Variants in DNAJC16 observed in about 807,000 individuals in gnomAD.
The protein encoded by DNAJC16 is dnaJ homolog subfamily C member 16.
In DNAJC16, 76 loss-of-function variants were observed where a neutral mutation model predicts 92.7. The ratio of observed to expected loss-of-function variants is 0.82; its 90% confidence interval spans 0.68 to 0.99. DNAJC16 has a LOEUF of 0.99. Ranked by LOEUF, DNAJC16 falls within the 50% of genes least tolerant of loss-of-function variation. The pLI, the probability that DNAJC16 is intolerant of heterozygous loss-of-function variation, is 0.00. For missense variants in DNAJC16, 869 were observed against 942.4 expected (o/e 0.92, Z 1.02); for synonymous variants, 328 against 358.7 (o/e 0.91, Z 0.97).
At chr1:15,550,522 A>G (rs1210179363) in intron 7 of DNAJC16, among the ~76,000 whole-genome samples, 2 of 152,190 alleles carry the variant, frequency 1.3e-5, no homozygotes, top group Non-Finnish European at 2.9e-5. Context: ...AATTTATTGA[A>G]TCATTCTTCC....
Position 15,567,210 on chromosome 1 carries a change from G to A in DNAJC16, c.1890G>A (p.Ser630=), listed in dbSNP as rs369927925. 6.4e-5 allele frequency: 104 copies of A among 1,614,002 alleles called. No homozygotes were observed. Among genetic ancestry groups the A allele is most frequent in the South Asian group, 8.8e-5 (8 of 91,086 alleles). The change falls in exon 14 of 15, where the codon TCG becomes TCA. Residue 630 remains serine (S), a synonymous_variant. Transcript: ENST00000375847. ...PGHMNVVLIL[S]NSTKTSLLQK... ...ACATGAATGTGGTCCTCATCCTGTC[G>A]AATTCTACCAAGACCAGCCTACTAC...
chr1:15,555,089 A>T (rs1638536359), intron 7 of DNAJC16, among the ~76,000 whole-genome samples: 1 of 151,174 alleles, frequency 6.6e-6, no homozygotes, highest in Non-Finnish European at 1.5e-5. Context: ...TTAAAAAAGA[A>T]TGTAGGCCAG....
At chr1:15,547,146 CTTT>C (rs768397290) in intron 6 of DNAJC16, among the ~76,000 whole-genome samples, 9 of 136,532 alleles carry the variant, frequency 6.6e-5, no homozygotes, top group African/African-American at 8.0e-5. Flanking sequence ...ATCCCTGTTT[CTTT>C]TTTTTTTTTT....
rs369025489 is a variant in DNAJC16, at chr1:15,548,257, T to C, written c.865-13T>C. 38 of 1,612,876 alleles carry C rather than the reference T, an allele frequency of 2.4e-5. No homozygotes were observed. Among genetic ancestry groups the C allele is most frequent in the Non-Finnish European group, 3.1e-5 (36 of 1,179,510 alleles). On this transcript the variant is annotated splice_polypyrimidine_tract_variant and intron_variant, in intron 6 of 14. Transcript: ENST00000375847. ...GTAGTTTTATTTTCTTCCTCTCTAT[T>C]ATGCCCTAACAGTTGACTGCCTTTG...
In DNAJC16 at chr1:15,548,344, G is replaced by A. The variant is rs1169004917; in HGVS notation, c.939G>A (p.Met313Ile). Residue 313 changes from methionine (M) to isoleucine (I), a missense_variant, in exon 7 of 15, where the codon ATG (methionine) becomes ATA (isoleucine). Met to Ile is a conservative substitution (Grantham distance 10, BLOSUM62 1). Coordinates refer to ENST00000375847, the MANE Select transcript of DNAJC16 (RefSeq NM_015291.4). ...VYVGLRGTEEMTRRYNINIYA... is the reference protein window; with the variant it reads ...VYVGLRGTEEITRRYNINIYA... The stretch of plus-strand genomic sequence containing the variant: ...TGGGTTTGAGAGGGACGGAAGAGAT[G>A]ACAAGGCGGTACAACATCAATATCT... 2 of 1,614,058 alleles carry A rather than the reference G, an allele frequency of 1.2e-6. No individual in the cohort carries two copies. Among genetic ancestry groups the A allele is most frequent in the East Asian group, 2.2e-5 (1 of 44,896 alleles).
intron 5 of DNAJC16, among the ~76,000 whole-genome samples, chr1:15,545,323 T>C (rs1489807223): frequency 6.6e-6 from 1 of 152,246 alleles, no homozygotes; most frequent in Non-Finnish European, 1.5e-5. Context: ...ACTGTCCTAC[T>C]GGGATCATTA....
At chr1:15,543,938 A>G (rs1710993336) in intron 4 of DNAJC16, among the ~76,000 whole-genome samples, 1 of 152,142 alleles carries the variant, frequency 6.6e-6, no homozygotes, top group African/African-American at 2.4e-5. Context: ...GGAGGAGATT[A>G]GGGGTTCGTT....
intron 14 of DNAJC16, among the ~76,000 whole-genome samples, chr1:15,567,503 G>T (rs1008032239): frequency 1.3e-5 from 2 of 152,132 alleles, no homozygotes; most frequent in African/African-American, 4.8e-5. Context: ...GTTATTCCCT[G>T]AGCCCTTTCA....
chr1:15,529,836 A>G (rs144084488), intron 2 of DNAJC16, among the ~76,000 whole-genome samples: 2 of 152,266 alleles, frequency 1.3e-5, no homozygotes, highest in Non-Finnish European at 2.9e-5. Context: ...AAGTCCCTAT[A>G]TAAAATAGCA....
chr1:15,564,205 G>A (rs2103427435), intron 10 of DNAJC16, 78 bp from the exon 11 acceptor site: 1 of 1,547,682 alleles, frequency 6.5e-7, no homozygotes. Context: ...AGGTCCAGCA[G>A]CAGCACTGTG....
rs1256688860 is a variant in DNAJC16 at position 15,567,966 on chromosome 1, C to T, written c.2138C>T (p.Pro713Leu). 3.7e-6 allele frequency: 6 copies of T among 1,614,184 alleles called. No homozygotes were observed. The highest frequency in any genetic ancestry group is 5.1e-6 in the Non-Finnish European group (6 of 1,180,040). Residue 713 changes from proline (P) to leucine (L), a missense_variant, in exon 15 of 15, where the codon CCC becomes CTC. Transcript: ENST00000375847. ...GHKKYFCLFK[P>L]QKTVEEEEAI... is the part of the protein sequence containing the mutation. The stretch of plus-strand genomic sequence containing the variant: ...AAGAAATACTTCTGCCTCTTCAAGC[C>T]CCAAAAGACAGTCGAAGAGGAGGAA...
Position 15,569,128 on chromosome 1 carries a change from G to T in DNAJC16, c.*951G>T, listed in dbSNP as rs765723623. The T allele has an allele frequency of 6.3e-6, 1 of 158,382 alleles. No homozygotes were observed. The highest frequency in any genetic ancestry group is 1.4e-5 in the Non-Finnish European group (1 of 72,154). 9.8% of individuals were successfully genotyped at this position (158,382 alleles called of 1,614,324 possible). ...ATTATTCCCACCTGCTATGAGTCAG[G>T]CTTAAGGAATCTCTTCAATAGTGTC... is the stretch of plus-strand genomic sequence containing the variant. On this transcript the variant is annotated 3_prime_UTR_variant, in exon 15 of 15. Coordinates refer to ENST00000375847, the MANE Select transcript of DNAJC16 (RefSeq NM_015291.4).
At chr1:15,527,702 A>G (rs986525176) in intron 1 of DNAJC16, among the ~76,000 whole-genome samples, 1 of 152,206 alleles carries the variant, frequency 6.6e-6, no homozygotes, top group Admixed American at 6.5e-5. Flanking sequence ...GCACGTATGC[A>G]ATTTTAAACG....
chr1:15,566,758 C>G (rs1368216013), intron 13 of DNAJC16, among the ~76,000 whole-genome samples: 1 of 152,122 alleles, frequency 6.6e-6, no homozygotes, highest in Non-Finnish European at 1.5e-5. Context: ...GTGGCAGGCA[C>G]CTGTAGTCCC....
At chr1:15,534,889 A>G (rs1710744591) in intron 3 of DNAJC16, among the ~76,000 whole-genome samples, 2 of 152,320 alleles carry the variant, frequency 1.3e-5, no homozygotes, top group Admixed American at 1.3e-4. Context: ...AGAAATATGC[A>G]TTAAAGAATC....
rs373005337 is a variant in DNAJC16, at chr1:15,567,310, G to T, written c.1949+41G>T. ...TGTGCATGTATGTATGTGTGTGAGA[G>T]AGAGAGAGGCAGGCACACTGAAATT... is the stretch of plus-strand genomic sequence containing the variant. On this transcript the variant is annotated intron_variant, in intron 14 of 14. Transcript: ENST00000375847. 2.5e-6 allele frequency: 4 copies of T among 1,578,476 alleles called. No individual in the cohort carries two copies. The African/African-American group carries it at 4.0e-5, about 16-fold the overall frequency.
At chr1:15,528,816 T>A (rs1216948991) in intron 1 of DNAJC16, among the ~76,000 whole-genome samples, 4 of 152,212 alleles carry the variant, frequency 2.6e-5, no homozygotes, top group Non-Finnish European at 5.9e-5. Flanking sequence ...CCCATTCATT[T>A]TCATTCATTT....
In DNAJC16 at chr1:15,570,640, G is replaced by A. The variant is rs1402304847; in HGVS notation, c.*2463G>A. 2.0e-5 allele frequency: 3 copies of A among 152,208 alleles called. No homozygotes were observed. Among genetic ancestry groups the A allele is most frequent in the Non-Finnish European group, 4.4e-5 (3 of 68,040 alleles). The allele number at this position is 152,208 out of a possible 1,614,324, so 9.4% of individuals were successfully genotyped here. On this transcript the variant is annotated 3_prime_UTR_variant, in exon 15 of 15. Coordinates refer to ENST00000375847, the MANE Select transcript of DNAJC16 (RefSeq NM_015291.4). ...GATGGGATTGGCAATGTTCCTGGCA[G>A]ATGTTTCAGCCCAAAAGCTCTTCTA...
chr1:15,553,004 A>G (rs1334033107), intron 7 of DNAJC16, among the ~76,000 whole-genome samples: 1 of 151,912 alleles, frequency 6.6e-6, no homozygotes, highest in Non-Finnish European at 1.5e-5. Flanking sequence ...GCCTGACCTC[A>G]GATGATCCGC....
Sources: gnomAD v4.1 joint callset for allele counts (sites outside exome capture counted in the v4.1 genomes callset) on GRCh38, gnomAD v4.1.1 for gene constraint, MANE v1.5 for transcripts, NCBI Gene and HGNC (gene_info 2026-07-23, HGNC 2026-07-21) for gene names.